PRKG1: variants seen among roughly 807,000 people sequenced by gnomAD.
PRKG1 encodes the protein cGMP-dependent protein kinase 1.
PRKG1 carries 35 observed loss-of-function variants against 88.1 expected under a neutral mutation model. The ratio of observed to expected loss-of-function variants is 0.40; its 90% CI spans 0.30 to 0.53. The LOEUF (loss-of-function observed/expected upper bound fraction) is 0.53, where lower values mean the gene tolerates loss of function less well. PRKG1 is among the 20% of genes least tolerant of loss of function. The pLI is 0.59. For missense variants in PRKG1, 540 were observed against 839.8 expected (o/e 0.64, Z 4.41); for synonymous variants, 303 against 292.5 (o/e 1.04, Z -0.37).
At position 51,690,653 on chromosome 10, in the gene PRKG1, C is replaced by T. The variant is rs555608341; in HGVS notation, c.593-113932C>T. On this transcript the variant is annotated intron_variant, in intron 3 of 17. Coordinates refer to ENST00000373980, the MANE Select transcript of PRKG1 (RefSeq NM_006258.4). ...AGAAATTAAAGAATTTTGGGCCGGG[C>T]GCTGTGGCTCACACCTGTAATCCCA... Among the ~76,000 whole-genome samples, 23 of 152,032 alleles carry T rather than the reference C, an allele frequency of 1.5e-4. No individual in the cohort carries two copies. In the East Asian group the frequency reaches 3.3e-3, roughly 22 times the overall value.
intron 6 of PRKG1, among the ~76,000 whole-genome samples, chr10:52,055,985 A>G (rs1280423832): frequency 5.3e-5 from 8 of 152,152 alleles, no homozygotes; most frequent in Admixed American, 5.2e-4. Context: ...CACCAGTGGC[A>G]TGTCACACAA....
At chr10:52,071,784 A>G (rs1846502170) in intron 7 of PRKG1, among the ~76,000 whole-genome samples, 1 of 152,022 alleles carries the variant, frequency 6.6e-6, no homozygotes, top group African/African-American at 2.4e-5. Flanking sequence ...ATCTCTATGT[A>G]CCTATTTTAT....
At chr10:51,180,810 T>C (rs970306727) in intron 2 of PRKG1, among the ~76,000 whole-genome samples, 5 of 152,216 alleles carry the variant, frequency 3.3e-5, no homozygotes, top group African/African-American at 1.2e-4. Flanking sequence ...AGCTCTTTCC[T>C]ATATTTAAAT....
chr10:52,084,139 A>T (rs532086443), intron 7 of PRKG1, among the ~76,000 whole-genome samples: 1 of 152,158 alleles, frequency 6.6e-6, no homozygotes, highest in Admixed American at 6.5e-5. Context: ...CAAGGAGTTC[A>T]TTAGAAGATG....
intron 1 of PRKG1, among the ~76,000 whole-genome samples, chr10:51,034,335 A>G (rs1202862715): frequency 6.6e-6 from 1 of 152,088 alleles, no homozygotes; most frequent in African/African-American, 2.4e-5. Flanking sequence ...AATGAATAAT[A>G]AGTAGTTTGT....
intron 2 of PRKG1, among the ~76,000 whole-genome samples, chr10:51,350,402 A>G (rs999585419): frequency 1.5e-4 from 23 of 152,186 alleles, no homozygotes; most frequent in African/African-American, 5.5e-4. Flanking sequence ...ATGCTAACTA[A>G]ATAACTCACA....
At chr10:51,300,010 A>G (rs1840838507) in intron 2 of PRKG1, among the ~76,000 whole-genome samples, 1 of 152,186 alleles carries the variant, frequency 6.6e-6, no homozygotes, top group South Asian at 2.1e-4. Flanking sequence ...GGCAGAGGGT[A>G]TGAAGGGTGT....
In PRKG1 at chr10:51,947,433, C is replaced by T. The variant is rs552979078; in HGVS notation, c.762+39863C>T. ...GCACTTCCCAAGTGAGGCAATGCCT[C>T]GCCCTGCTTCGGCTCGCGCATGGTG... On this transcript the variant is annotated intron_variant, in intron 5 of 17. Coordinates refer to ENST00000373980, the MANE Select transcript of PRKG1 (RefSeq NM_006258.4). 6.0e-3 allele frequency among the ~76,000 whole-genome samples: 906 copies of T among 152,226 alleles called. 10 individuals carry two copies. Among genetic ancestry groups the T allele is most frequent in the African/African-American group, 0.02 (844 of 41,548 alleles).
chr10:51,434,955 A>G (rs1838877317), intron 2 of PRKG1, among the ~76,000 whole-genome samples: 2 of 152,150 alleles, frequency 1.3e-5, no homozygotes, highest in Admixed American at 6.5e-5. Flanking sequence ...AGACTGTTGT[A>G]AGATATTTCA....
chr10:51,477,037 C>T (rs1243719335), intron 3 of PRKG1, among the ~76,000 whole-genome samples: 2 of 151,958 alleles, frequency 1.3e-5, no homozygotes, highest in Non-Finnish European at 2.9e-5. Context: ...TAAGGTCACA[C>T]ACCTGGATTT....
At chr10:51,163,071 A>G (rs986457124) in intron 2 of PRKG1, among the ~76,000 whole-genome samples, 1 of 152,192 alleles carries the variant, frequency 6.6e-6, no homozygotes, top group South Asian at 2.1e-4. Context: ...AGGCTGAGGC[A>G]GGAGAATCTC....
chr10:51,199,539 G>A (rs77832516), intron 2 of PRKG1, among the ~76,000 whole-genome samples: 10,194 of 151,988 alleles, frequency 0.067, 361 homozygotes, highest in East Asian at 0.11. Flanking sequence ...TACCATTATC[G>A]GCTGTGTTAC....
chr10:52,118,122 CT>C (rs1847731732), intron 7 of PRKG1, among the ~76,000 whole-genome samples: 1 of 151,894 alleles, frequency 6.6e-6, no homozygotes, highest in Non-Finnish European at 1.5e-5. Flanking sequence ...GCTGAATTGT[CT>C]CTACAAAGGT....
At chr10:51,864,847 T>C (rs1363716397) in intron 4 of PRKG1, among the ~76,000 whole-genome samples, 1 of 152,198 alleles carries the variant, frequency 6.6e-6, no homozygotes, top group African/African-American at 2.4e-5. Flanking sequence ...CAACTTGATA[T>C]TTATTTTCTG....
chr10:51,397,557 T>A (rs1200984957), intron 2 of PRKG1, among the ~76,000 whole-genome samples: 1 of 152,190 alleles, frequency 6.6e-6, no homozygotes, highest in Admixed American at 6.5e-5. Context: ...CTGTTTATGT[T>A]CATTTCTTTT....
intron 1 of PRKG1, among the ~76,000 whole-genome samples, chr10:51,139,145 AG>A (rs1457694820): frequency 6.6e-6 from 1 of 152,128 alleles, no homozygotes; most frequent in Non-Finnish European, 1.5e-5. Flanking sequence ...TTTCTGGGTA[AG>A]TCTGCTTTCT....
At chr10:52,060,020 A>G (rs1218736949) in intron 6 of PRKG1, among the ~76,000 whole-genome samples, 1 of 151,886 alleles carries the variant, frequency 6.6e-6, no homozygotes, top group African/African-American at 2.4e-5. Context: ...GAGTTGCTAC[A>G]GTAGATATCA....
At chr10:51,903,600 T>A (rs35586048) in intron 4 of PRKG1, among the ~76,000 whole-genome samples, 4,967 of 152,248 alleles carry the variant, frequency 0.033, 314 homozygotes, top group East Asian at 0.28. Context: ...GTGTTGGGGA[T>A]AGAGGCAATC....
intron 8 of PRKG1, among the ~76,000 whole-genome samples, chr10:52,159,548 G>T (rs1432156590): frequency 6.6e-6 from 1 of 151,494 alleles, no homozygotes; most frequent in Non-Finnish European, 1.5e-5. Context: ...CCATATCTAT[G>T]CTTTTCCATT....
Sources: gnomAD v4.1 joint callset for allele counts (sites outside exome capture counted in the v4.1 genomes callset) on GRCh38, gnomAD v4.1.1 for gene constraint, MANE v1.5 for transcripts, NCBI Gene and HGNC (gene_info 2026-07-23, HGNC 2026-07-21) for gene names.